ANKS1B: variants seen among roughly 807,000 people sequenced by gnomAD.
ANKS1B encodes ankyrin repeat and sterile alpha motif domain-containing protein 1B.
In ANKS1B, 36 loss-of-function variants were observed where a neutral mutation model predicts 148.3. The observed-to-expected ratio is 0.24, with a 90% CI of 0.19 to 0.32. The LOEUF is 0.32. Ranked by LOEUF, ANKS1B falls within the 10% of genes least tolerant of loss-of-function variation. The pLI, the probability that ANKS1B is intolerant of heterozygous loss-of-function variation, is 1.00. For synonymous variants in ANKS1B, 542 were observed against 560.8 expected (o/e 0.97, Z 0.47); for missense variants, 1,157 against 1,542.6 (o/e 0.75, Z 4.19).
rs534159656 is a variant in ANKS1B, at chr12:98,745,791, C to G, written c.3806G>C (p.Gly1269Ala). 11 of 1,613,606 alleles carry G rather than the reference C, an allele frequency of 6.8e-6. No homozygotes were observed. The highest frequency in any genetic ancestry group is 1.6e-4 in the Middle Eastern group (1 of 6,084). ...LANLPWIVEP[G>A]QEAKRGINTK... ...ATTAATGCCCCTCTTGGCTTCTTGG[C>G]CCGGCTCCACAATCCACGGTAGATT... Residue 1269 changes from glycine (G) to alanine (A), a missense_variant, in exon 27 of 27, where the codon GGC (glycine) becomes GCC (alanine). Gly to Ala is a moderately conservative substitution (Grantham distance 60, BLOSUM62 0). Around this residue, in one of 6 missense-constraint regions of ANKS1B, gnomAD observed 46 missense variants for 62.0 expected, o/e 0.74. Transcript: ENST00000683438.
At chr12:99,296,909 G>C (rs1045029428) in intron 12 of ANKS1B, among the ~76,000 whole-genome samples, 4 of 152,158 alleles carry the variant, frequency 2.6e-5, no homozygotes, top group Admixed American at 6.6e-5. Context: ...AAGACTGTGG[G>C]AACTTGACTG....
rs987011731 is a variant in ANKS1B at position 98,751,773 on chromosome 12, G to C, written c.3580-251C>G. Among the ~76,000 whole-genome samples the C allele has an allele frequency of 2.6e-5, 4 of 152,182 alleles. No homozygotes were observed. Among genetic ancestry groups the C allele is most frequent in the Non-Finnish European group, 5.9e-5 (4 of 68,022 alleles). ...ATCACTAAGACAAACGAAAAAGTCA[G>C]CTGGGAACTGTGTTGGGCAAACCTG... On this transcript the variant is annotated intron_variant, in intron 25 of 26. Coordinates refer to ENST00000683438, the MANE Select transcript of ANKS1B (RefSeq NM_001352186.2). The surrounding 1 kb of genome is among the most constrained non-coding windows in gnomAD (Gnocchi z 4.3).
At chr12:99,008,823 T>C (rs1373737234) in intron 17 of ANKS1B, among the ~76,000 whole-genome samples, 1 of 152,204 alleles carries the variant, frequency 6.6e-6, no homozygotes, top group African/African-American at 2.4e-5. Context: ...ACTTGCTGTG[T>C]GTTCATCATT....
intron 17 of ANKS1B, among the ~76,000 whole-genome samples, chr12:98,907,461 C>G (rs1010899306): frequency 2.3e-4 from 35 of 152,150 alleles, no homozygotes; most frequent in African/African-American, 8.5e-4. Context: ...CCTGCCCACT[C>G]CACCCCCTTA....
At chr12:99,757,203 A>C (rs887860176) in intron 8 of ANKS1B, among the ~76,000 whole-genome samples, 12 of 152,072 alleles carry the variant, frequency 7.9e-5, no homozygotes, top group African/African-American at 2.4e-4. Context: ...CTATGCATCC[A>C]ACAAAGGTCT....
intron 8 of ANKS1B, among the ~76,000 whole-genome samples, chr12:99,727,339 C>T (rs1339093718): frequency 1.3e-5 from 2 of 151,846 alleles, no homozygotes; most frequent in Non-Finnish European, 1.5e-5. Context: ...TTCCTATACA[C>T]CAACAATAGA....
At chr12:99,347,630 G>C (rs1419524037) in intron 12 of ANKS1B, among the ~76,000 whole-genome samples, 1 of 152,028 alleles carries the variant, frequency 6.6e-6, no homozygotes, top group African/African-American at 2.4e-5. Flanking sequence ...AGAGATTTCA[G>C]TGACCACAGA....
chr12:99,472,111 TC>T, intron 10 of ANKS1B, among the ~76,000 whole-genome samples: 1 of 152,182 alleles, frequency 6.6e-6, no homozygotes, highest in Non-Finnish European at 1.5e-5. Context: ...TAAATTATAG[TC>T]TGACCTAAAA....
chr12:99,926,575 C>T (rs112244346), intron 1 of ANKS1B, among the ~76,000 whole-genome samples: 38 of 152,338 alleles, frequency 2.5e-4, no homozygotes, highest in African/African-American at 8.2e-4. Context: ...GGAACCACAT[C>T]GCTGGCTCTC....
At chr12:99,673,819 A>G (rs1378465394) in intron 8 of ANKS1B, among the ~76,000 whole-genome samples, 1 of 151,740 alleles carries the variant, frequency 6.6e-6, no homozygotes, top group African/African-American at 2.4e-5. Flanking sequence ...ATATAATTAT[A>G]GAATATGGTT....
At position 99,246,838 on chromosome 12, in the gene ANKS1B, C is replaced by A. The variant is rs1421611434; in HGVS notation, c.1783G>T (p.Asp595Tyr). ...TDDLSRQDDN[D>Y]PPKEYDPGQF... Reference sequence around the variant, plus strand: ...CCAGGATCATATTCTTTTGGGGGATCATTGTCATCCTGTCGGGAGAGGTCA... The same window carrying A: ...CCAGGATCATATTCTTTTGGGGGATAATTGTCATCCTGTCGGGAGAGGTCA... The change falls in exon 13 of 27, where the codon GAT (aspartate) becomes TAT (tyrosine). Residue 595 changes from aspartate to tyrosine, a missense_variant. Asp to Tyr is a radical substitution (Grantham distance 160). This residue lies in a region of ANKS1B where 661 missense variants were observed against 642.1 expected (regional missense o/e 1.03). Coordinates refer to ENST00000683438, the MANE Select transcript of ANKS1B (RefSeq NM_001352186.2). The A allele has an allele frequency of 1.9e-6, 3 of 1,599,974 alleles. No homozygotes were observed. Among genetic ancestry groups the A allele is most frequent in the African/African-American group, 2.7e-5 (2 of 74,468 alleles).
intron 1 of ANKS1B, among the ~76,000 whole-genome samples, chr12:99,865,488 C>T (rs1373959894): frequency 6.6e-6 from 1 of 152,026 alleles, no homozygotes; most frequent in East Asian, 1.9e-4. Context: ...TAGTAGGTAC[C>T]GAGGCATCCT....
intron 1 of ANKS1B, among the ~76,000 whole-genome samples, chr12:99,866,386 C>A (rs2090760406): frequency 6.6e-6 from 1 of 152,110 alleles, no homozygotes. Context: ...TTAAAGGGGG[C>A]ATTTTTGTTT....
intron 10 of ANKS1B, among the ~76,000 whole-genome samples, chr12:99,489,370 T>TA (rs374845746): frequency 3.9e-5 from 6 of 152,054 alleles, no homozygotes; most frequent in African/African-American, 1.4e-4. Context: ...ATAAGTATGA[T>TA]ACGGGGAAAG....
chr12:99,261,666 C>A (rs1056704508), intron 12 of ANKS1B, among the ~76,000 whole-genome samples: 2 of 152,092 alleles, frequency 1.3e-5, no homozygotes, highest in African/African-American at 4.8e-5. Flanking sequence ...CTGCAACCTG[C>A]CTATGCCTCA....
chr12:99,794,684 C>G (rs1238673406), intron 4 of ANKS1B, among the ~76,000 whole-genome samples: 2 of 151,628 alleles, frequency 1.3e-5, no homozygotes, highest in Non-Finnish European at 2.9e-5. Context: ...AGGGTGGTTA[C>G]CAGAGGCTGG....
intron 22 of ANKS1B, among the ~76,000 whole-genome samples, chr12:98,784,241 G>A (rs1366479513): frequency 2.0e-5 from 3 of 152,208 alleles, no homozygotes; most frequent in African/African-American, 7.2e-5. Flanking sequence ...GGAGGTGGGA[G>A]TGGACAAGGT....
intron 25 of ANKS1B, among the ~76,000 whole-genome samples, chr12:98,759,720 T>C (rs978686148): frequency 6.6e-6 from 1 of 152,310 alleles, no homozygotes; most frequent in African/African-American, 2.4e-5. Flanking sequence ...AGTAGAATAC[T>C]AGGTAGCCAT....
intron 11 of ANKS1B, among the ~76,000 whole-genome samples, chr12:99,410,472 A>C (rs1370819016): frequency 6.6e-6 from 1 of 152,172 alleles, no homozygotes; most frequent in African/African-American, 2.4e-5. Context: ...GATCGAGACC[A>C]TCCCGGCTAA....
Sources: gnomAD v4.1 joint callset for allele counts (sites outside exome capture counted in the v4.1 genomes callset) on GRCh38, gnomAD v4.1.1 for gene constraint, gnomAD v4.1.1 regional missense constraint, Gnocchi (gnomAD v3.1) non-coding constraint, MANE v1.5 for transcripts, NCBI Gene and HGNC (gene_info 2026-07-23, HGNC 2026-07-21) for gene names.